Variants in THSD4 observed in about 807,000 individuals in gnomAD.
THSD4 encodes thrombospondin type 1 domain containing 4, also known as thrombospondin type-1 domain-containing protein 4.
A neutral mutation model predicts 119.0 loss-of-function variants in THSD4; 69 were observed. The ratio of observed to expected loss-of-function variants is 0.58; its 90% CI spans 0.48 to 0.71. The LOEUF is 0.71. Ranked by LOEUF, THSD4 falls within the 30% of genes least tolerant of loss-of-function variation. The pLI is 0.00. For missense variants in THSD4, 1,393 were observed against 1,391.1 expected (o/e 1.00, Z -0.02); for synonymous variants, 524 against 540.4 (o/e 0.97, Z 0.42).
chr15:71,437,352 A>G (rs950031289), intron 7 of THSD4, among the ~76,000 whole-genome samples: 4 of 152,220 alleles, frequency 2.6e-5, no homozygotes, highest in Non-Finnish European at 5.9e-5. Context: ...CATCCAAACC[A>G]TATCAGGCAC....
chr15:71,596,132 T>A (rs1212923390), intron 7 of THSD4, among the ~76,000 whole-genome samples: 1 of 152,240 alleles, frequency 6.6e-6, no homozygotes, highest in Non-Finnish European at 1.5e-5. Flanking sequence ...GAGTATTTGT[T>A]TCATCCTTTA....
At chr15:71,314,592 C>A (rs1209399716) in intron 6 of THSD4, among the ~76,000 whole-genome samples, 1 of 152,188 alleles carries the variant, frequency 6.6e-6, no homozygotes, top group Admixed American at 6.5e-5. Flanking sequence ...CAGGCATGAG[C>A]CACCCACTGT....
intron 7 of THSD4, among the ~76,000 whole-genome samples, chr15:71,550,244 G>A (rs2048906082): frequency 6.6e-6 from 1 of 152,216 alleles, no homozygotes; most frequent in African/African-American, 2.4e-5. Flanking sequence ...GGATGCAGCA[G>A]AATGGCGGGG....
chr15:71,395,944 CACACACACAAACACAG>C (rs1372091686), intron 6 of THSD4, among the ~76,000 whole-genome samples: 4 of 149,936 alleles, frequency 2.7e-5, no homozygotes, highest in South Asian at 2.1e-4. Flanking sequence ...CACACACACA[CACACACACAAACACAG>C]ACTTTGTTGA....
chr15:71,208,988 T>C (rs1419493373), intron 3 of THSD4, among the ~76,000 whole-genome samples: 3 of 152,180 alleles, frequency 2.0e-5, no homozygotes, highest in African/African-American at 7.2e-5. Context: ...GGGCAGGTCA[T>C]AATCTCTTGG....
At chr15:71,598,862 C>T (rs1298229337) in intron 7 of THSD4, among the ~76,000 whole-genome samples, 1 of 152,152 alleles carries the variant, frequency 6.6e-6, no homozygotes, top group Admixed American at 6.5e-5. Flanking sequence ...AAGCAACCCT[C>T]CCACCTCCAC....
chr15:71,274,803 T>G (rs2044571905), intron 6 of THSD4, among the ~76,000 whole-genome samples: 1 of 152,108 alleles, frequency 6.6e-6, no homozygotes, highest in African/African-American at 2.4e-5. Context: ...TGTAAATGAT[T>G]CTTTAAAAAG....
chr15:71,106,075 G>A (rs938423738), intron 1 of THSD4, among the ~76,000 whole-genome samples: 5 of 152,292 alleles, frequency 3.3e-5, no homozygotes, highest in Non-Finnish European at 2.9e-5. Context: ...GGAGCCTGGA[G>A]GTGAGGGTCA....
intron 7 of THSD4, among the ~76,000 whole-genome samples, chr15:71,626,694 A>C (rs1205284518): frequency 6.6e-6 from 1 of 152,206 alleles, no homozygotes. Context: ...TGTGATAAAA[A>C]TCATCTGATT....
At chr15:71,377,684 T>A (rs1181347616) in intron 6 of THSD4, among the ~76,000 whole-genome samples, 1 of 152,024 alleles carries the variant, frequency 6.6e-6, no homozygotes, top group Non-Finnish European at 1.5e-5. Context: ...CCATTCTGTT[T>A]CAGGGCAGCT....
chr15:71,514,188 G>T (rs2048321979), intron 7 of THSD4, among the ~76,000 whole-genome samples: 1 of 152,146 alleles, frequency 6.6e-6, no homozygotes, highest in African/African-American at 2.4e-5. Context: ...ACAGCAGCTG[G>T]GGAGCAGAAG....
At chr15:71,665,003 T>C (rs1481848343) in intron 8 of THSD4, among the ~76,000 whole-genome samples, 1 of 152,222 alleles carries the variant, frequency 6.6e-6, no homozygotes, top group Non-Finnish European at 1.5e-5. Flanking sequence ...CCTTTGGGTA[T>C]ATACCCAGTA....
intron 8 of THSD4, among the ~76,000 whole-genome samples, chr15:71,665,997 G>C (rs1333816747): frequency 6.6e-6 from 1 of 151,906 alleles, no homozygotes; most frequent in African/African-American, 2.4e-5. Context: ...CTCTTTTTTT[G>C]ATCCATATGC....
intron 7 of THSD4, among the ~76,000 whole-genome samples, chr15:71,548,986 C>T (rs531227980): frequency 3.3e-5 from 5 of 152,232 alleles, no homozygotes; most frequent in Non-Finnish European, 5.9e-5. Context: ...TACCTGCACA[C>T]AGCTGACTCG....
At chr15:71,355,328 C>T (rs1007130159) in intron 6 of THSD4, among the ~76,000 whole-genome samples, 6 of 152,206 alleles carry the variant, frequency 3.9e-5, no homozygotes, top group Non-Finnish European at 7.3e-5. Context: ...AATTGGCTTC[C>T]AAACCTGATG....
chr15:71,254,993 C>T (rs541230796), intron 5 of THSD4, among the ~76,000 whole-genome samples: 1 of 152,300 alleles, frequency 6.6e-6, no homozygotes, highest in African/African-American at 2.4e-5. Flanking sequence ...CAGCAGCCTC[C>T]CCAACTGCGA....
intron 6 of THSD4, among the ~76,000 whole-genome samples, chr15:71,302,163 T>C (rs1244112709): frequency 6.6e-6 from 1 of 152,224 alleles, no homozygotes; most frequent in African/African-American, 2.4e-5. Flanking sequence ...CTCCTTTCCC[T>C]GGCAGCGTTT....
chr15:71,753,734 C>T (rs941529167), intron 14 of THSD4, among the ~76,000 whole-genome samples: 1 of 152,236 alleles, frequency 6.6e-6, no homozygotes, highest in Non-Finnish European at 1.5e-5. Flanking sequence ...GGGACTTCTC[C>T]TTCCCCTTGC....
chr15:71,320,499 A>G (rs1308879824), intron 6 of THSD4, among the ~76,000 whole-genome samples: 1 of 152,166 alleles, frequency 6.6e-6, no homozygotes, highest in South Asian at 2.1e-4. Flanking sequence ...CCCAGATGTT[A>G]CTAAGATTTA....
Sources: allele counts gnomAD v4.1 joint callset (sites outside exome capture counted in the v4.1 genomes callset), GRCh38; gene constraint gnomAD v4.1.1; transcripts MANE v1.5; gene names NCBI Gene and HGNC (gene_info 2026-07-23, HGNC 2026-07-21).